TRAK1: variants seen among roughly 807,000 people sequenced by gnomAD.
TRAK1 encodes trafficking kinesin-binding protein 1.
A neutral mutation model predicts 92.1 loss-of-function variants in TRAK1; 33 were observed. The ratio of observed to expected loss-of-function variants is 0.36; its 90% confidence interval spans 0.27 to 0.48. The LOEUF (loss-of-function observed/expected upper bound fraction) is 0.48. Ranked by LOEUF, TRAK1 falls within the 20% of genes least tolerant of loss-of-function variation. The probability of loss-of-function intolerance (pLI) is 0.99; values close to 1 mark genes in which losing one functional copy is unlikely to be tolerated. For synonymous variants in TRAK1, 521 were observed against 517.3 expected (o/e 1.01, Z -0.10); for missense variants, 1,123 against 1,257.9 (o/e 0.89, Z 1.62).
chr3:42,091,485 C>T lies in TRAK1; in HGVS notation c.16C>T (p.Gln6Ter), dbSNP rs1333216270. The T allele has an allele frequency of 6.2e-7, 1 of 1,613,394 alleles. No homozygotes were observed. The highest frequency in any genetic ancestry group is 1.3e-5 in the African/African-American group (1 of 74,882). Reference sequence around the variant, plus strand: ...ATGTCTGCACATGGCATTGGTTTTTCAATTCGGGCAGCCCGTCAGGGCTCA... The same window carrying T: ...ATGTCTGCACATGGCATTGGTTTTTTAATTCGGGCAGCCCGTCAGGGCTCA... MALVF[Q>*]FGQPVRAQPL... The change falls in exon 1 of 16, where the codon CAA becomes TAA. Residue 6 changes from glutamine (Q) to a stop codon, truncating the protein, a stop_gained. Transcript: ENST00000327628. LOFTEE classifies it high-confidence loss of function.
At chr3:42,018,760 T>C (rs1701621157) in intron 1 of TRAK1, among the ~76,000 whole-genome samples, 1 of 152,240 alleles carries the variant, frequency 6.6e-6, no homozygotes, top group Non-Finnish European at 1.5e-5. Context: ...TAATTTATGT[T>C]GATACAGATG....
intron 1 of TRAK1, among the ~76,000 whole-genome samples, chr3:42,063,359 C>T (rs116401154): frequency 0.017 from 2,613 of 152,336 alleles, 86 homozygotes; most frequent in African/African-American, 0.06. Flanking sequence ...CCTGCCCAAC[C>T]AGGAATGCCT....
chr3:42,209,948 A>C lies in TRAK1; in HGVS notation c.1926A>C (p.Leu642=). The change falls in exon 14 of 16, where the codon CTA becomes CTC. Residue 642 remains leucine (L), a synonymous_variant. Coordinates refer to ENST00000327628, the MANE Select transcript of TRAK1 (RefSeq NM_001042646.3). ...GTGACCACATTTCTCTCCCACGCCT[A>C]GCTACCTCCACTCCAGTTCAGCACC... ...DTGDHISLPR[L]ATSTPVQHPE... is the part of the protein sequence containing the mutation. 6.2e-7 allele frequency: 1 copy of C among 1,614,202 alleles called. No homozygotes were observed. The highest frequency in any genetic ancestry group is 8.5e-7 in the Non-Finnish European group (1 of 1,180,048).
At chr3:42,205,141 A>C (rs976468212) in intron 13 of TRAK1, among the ~76,000 whole-genome samples, 67 of 152,280 alleles carry the variant, frequency 4.4e-4, no homozygotes, top group African/African-American at 1.6e-3. Context: ...AGTATTTTAT[A>C]TTGTACCTGG....
At chr3:42,138,506 C>T (rs1415818773) in intron 2 of TRAK1, among the ~76,000 whole-genome samples, 1 of 152,106 alleles carries the variant, frequency 6.6e-6, no homozygotes, top group African/African-American at 2.4e-5. Context: ...AGATTTAAAA[C>T]TCATGTATAG....
intron 1 of TRAK1, among the ~76,000 whole-genome samples, chr3:42,058,277 C>T (rs1703279793): frequency 6.6e-6 from 1 of 152,132 alleles, no homozygotes; most frequent in South Asian, 2.1e-4. Flanking sequence ...TTCATTTTAT[C>T]ATGTTCATCT....
At chr3:42,109,916 C>T (rs1253125886) in intron 1 of TRAK1, among the ~76,000 whole-genome samples, 5 of 150,866 alleles carry the variant, frequency 3.3e-5, no homozygotes, top group African/African-American at 7.3e-5. Flanking sequence ...AACACTTGGA[C>T]ACAGGATGGG....
chr3:42,046,875 C>G (rs1702770841), intron 1 of TRAK1, among the ~76,000 whole-genome samples: 1 of 151,986 alleles, frequency 6.6e-6, no homozygotes, highest in Non-Finnish European at 1.5e-5. Flanking sequence ...GTTATTGATT[C>G]TGGATTTCAT....
chr3:42,075,760 TC>T (rs1704127705), intron 1 of TRAK1, among the ~76,000 whole-genome samples: 1 of 152,252 alleles, frequency 6.6e-6, no homozygotes, highest in African/African-American at 2.4e-5. Context: ...AGCTTTTTTT[TC>T]ATATGCTTTT....
Position 42,223,824 on chromosome 3 carries a change from C to T in TRAK1, c.*87C>T. ...CCCTCTCTTCCCCCCACAGTGCACT[C>T]CCTCCCTCTGCCCTTCTCTGTCCAC... is the stretch of plus-strand genomic sequence containing the variant. On this transcript the variant is annotated 3_prime_UTR_variant, in exon 16 of 16. Transcript: ENST00000327628. This position sits in a 1 kb window ranked among gnomAD's most constrained non-coding sequence, Gnocchi z 6.1. 2.8e-6 allele frequency: 4 copies of T among 1,421,626 alleles called. No homozygotes were observed. The South Asian group carries it at 4.0e-5, about 14-fold the overall frequency. 88.1% of individuals were successfully genotyped at this position (1,421,626 alleles called of 1,614,324 possible). A position where few individuals can be genotyped will look rare whatever the true frequency, so the allele number is the denominator to read the frequency against.
intron 15 of TRAK1, among the ~76,000 whole-genome samples, chr3:42,220,987 C>A: frequency 6.6e-6 from 1 of 151,512 alleles, no homozygotes; most frequent in East Asian, 1.9e-4. Flanking sequence ...TGACTGTAGC[C>A]ATAGGACTCA....
At chr3:42,041,121 G>A (rs549106170) in intron 1 of TRAK1, among the ~76,000 whole-genome samples, 11 of 144,302 alleles carry the variant, frequency 7.6e-5, no homozygotes, top group Non-Finnish European at 1.0e-4. Context: ...TTTAAGACCA[G>A]CTAGTTAATT....
chr3:42,113,237 T>C (rs1708698151), intron 1 of TRAK1, among the ~76,000 whole-genome samples: 1 of 152,198 alleles, frequency 6.6e-6, no homozygotes, highest in South Asian at 2.1e-4. Context: ...AATGAGACCC[T>C]ATCTCTTCAA....
intron 14 of TRAK1, chr3:42,211,406 T>C (rs1442245852): frequency 1.0e-6 from 1 of 985,276 alleles, no homozygotes; most frequent in Non-Finnish European, 1.2e-6. Flanking sequence ...ATTAAGCTTG[T>C]GAGGGAATGA....
chr3:42,107,636 T>G (rs987661130), intron 1 of TRAK1, among the ~76,000 whole-genome samples: 2 of 152,072 alleles, frequency 1.3e-5, no homozygotes, highest in African/African-American at 4.8e-5. Flanking sequence ...GCAAAAAGAT[T>G]ATTCTATTTT....
intron 1 of TRAK1, among the ~76,000 whole-genome samples, chr3:42,060,189 GGA>G (rs1227131615): frequency 1.3e-5 from 2 of 152,068 alleles, no homozygotes; most frequent in African/African-American, 4.8e-5. Context: ...ATTCTATTTG[GGA>G]GAGAGGGGAA....
intron 13 of TRAK1, chr3:42,204,119 A>G (rs1251445881): frequency 2.0e-6 from 2 of 985,668 alleles, no homozygotes; most frequent in Non-Finnish European, 2.4e-6. Flanking sequence ...ATTTAGTTGT[A>G]AGCTTGGTGA....
In TRAK1 at chr3:42,030,689, A is replaced by AAT. The variant is rs57651073; in HGVS notation, c.-519+16623_-519+16624dup. ...CTCCATCTCAAAAAAAAAAAAAAAG[A>AAT]ATATATATATATATATATATATATA... On this transcript the variant is annotated intron_variant, in intron 1 of 16. Transcript: ENST00000487159. Among the ~76,000 whole-genome samples the AAT allele has an allele frequency of 5.0e-4, 49 of 97,626 alleles. 1 individual carries two copies. Among genetic ancestry groups the AAT allele is most frequent in the African/African-American group, 2.5e-3 (46 of 18,046 alleles). 64.0% of individuals were successfully genotyped at this position (97,626 alleles called of 152,430 possible).
At position 42,197,161 on chromosome 3, in the gene TRAK1, A is replaced by C. The variant is rs557775784; in HGVS notation, c.1114-2016A>C. ...TGCCAGAGGGGAGAGGGTCATGGCCAAAAACAAGTCACAGAGCCTGCATGT... is the reference window on the plus strand; with the variant it reads ...TGCCAGAGGGGAGAGGGTCATGGCCCAAAACAAGTCACAGAGCCTGCATGT... On this transcript the variant is annotated intron_variant, in intron 10 of 15. Coordinates refer to ENST00000327628, the MANE Select transcript of TRAK1 (RefSeq NM_001042646.3). Among the ~76,000 whole-genome samples the C allele has an allele frequency of 8.5e-5, 13 of 152,252 alleles. 1 individual carries two copies. The South Asian group carries it at 2.7e-3, about 32-fold the overall frequency.
Sources: allele counts gnomAD v4.1 joint callset (sites outside exome capture counted in the v4.1 genomes callset), GRCh38; gene constraint gnomAD v4.1.1; non-coding constraint Gnocchi (gnomAD v3.1); transcripts MANE v1.5; gene names NCBI Gene and HGNC (gene_info 2026-07-23, HGNC 2026-07-21).